TYW1B: variants seen among roughly 807,000 people sequenced by gnomAD.
TYW1B encodes S-adenosyl-L-methionine-dependent tRNA 4-demethylwyosine synthase TYW1B.
Under a neutral mutation model 86.9 loss-of-function variants are expected in TYW1B, and 73 were observed. The ratio of observed to expected loss-of-function variants is 0.84; its 90% CI spans 0.70 to 1.02. TYW1B has a LOEUF of 1.02. TYW1B is among the 50% of genes least tolerant of loss of function. The pLI, the probability that TYW1B is intolerant of heterozygous loss-of-function variation, is 0.00. For missense variants in TYW1B, 637 were observed against 827.4 expected (o/e 0.77, Z 2.82); for synonymous variants, 248 against 292.8 (o/e 0.85, Z 1.56).
chr7:72,752,464 C>T (rs1251163767), intron 7 of TYW1B, among the ~76,000 whole-genome samples: 2 of 152,146 alleles, frequency 1.3e-5, no homozygotes, highest in African/African-American at 4.8e-5. Flanking sequence ...AGCAGGGTGG[C>T]TCAAGCCTGT....
chr7:72,578,264 C>T (rs1379171666), intron 13 of TYW1B, among the ~76,000 whole-genome samples: 2 of 152,102 alleles, frequency 1.3e-5, no homozygotes. Context: ...CAGGCGACCA[C>T]CACCACGCCT....
At chr7:72,764,010 A>G (rs1180546015) in intron 7 of TYW1B, among the ~76,000 whole-genome samples, 3 of 152,150 alleles carry the variant, frequency 2.0e-5, no homozygotes, top group African/African-American at 7.2e-5. Flanking sequence ...TCTTTTTTAA[A>G]GTTATATTTG....
At chr7:72,620,576 C>CA (rs1554437788) in intron 12 of TYW1B, among the ~76,000 whole-genome samples, 1 of 152,142 alleles carries the variant, frequency 6.6e-6, no homozygotes. Context: ...AGCTCTCACT[C>CA]AGAGCCCAAT....
At chr7:72,682,346 G>A (rs1554448596) in intron 11 of TYW1B, among the ~76,000 whole-genome samples, 1 of 152,116 alleles carries the variant, frequency 6.6e-6, no homozygotes, top group African/African-American at 2.4e-5. Context: ...TCAATAAATG[G>A]TACTTGGGAA....
At chr7:72,692,029 A>T (rs149997852) in intron 11 of TYW1B, among the ~76,000 whole-genome samples, 2,628 of 151,746 alleles carry the variant, frequency 0.017, 36 homozygotes, top group Non-Finnish European at 0.027. Context: ...AACATGGTGA[A>T]ACCCCATCTC....
rs1810993073 is a variant in TYW1B, at chr7:72,575,225, T to C, written c.*273A>G. The C allele has an allele frequency of 8.0e-7, 1 of 1,256,770 alleles. No homozygotes were observed. The highest frequency in any genetic ancestry group is 3.8e-5 in the Admixed American group (1 of 26,646). 77.9% of individuals were successfully genotyped at this position (1,256,770 alleles called of 1,614,324 possible). ...TAATACAAAACCATCAGTTAAATTC[T>C]AATCACGACTGTGTAGTTCCTCCCC... On this transcript the variant is annotated 3_prime_UTR_variant, in exon 14 of 14. Coordinates refer to ENST00000620995, the MANE Select transcript of TYW1B (RefSeq NM_001145440.3).
At chr7:72,632,318 A>G (rs1347707899) in intron 11 of TYW1B, among the ~76,000 whole-genome samples, 1 of 73,954 alleles carries the variant, frequency 1.4e-5, no homozygotes. Context: ...TATATTATAT[A>G]TATTATATAT....
intron 11 of TYW1B, among the ~76,000 whole-genome samples, chr7:72,643,541 C>T (rs782272687): frequency 2.0e-5 from 3 of 151,142 alleles, no homozygotes; most frequent in African/African-American, 7.3e-5. Context: ...CAGCCAAGAT[C>T]GCAACACTGC....
intron 13 of TYW1B, among the ~76,000 whole-genome samples, chr7:72,611,147 T>G (rs1271418107): frequency 1.3e-5 from 2 of 152,148 alleles, no homozygotes; most frequent in Non-Finnish European, 2.9e-5. Context: ...AAGATCCAGT[T>G]AAATGGCGCC....
At chr7:72,718,113 T>C (rs190960877) in intron 9 of TYW1B, among the ~76,000 whole-genome samples, 85 of 152,234 alleles carry the variant, frequency 5.6e-4, no homozygotes, top group African/African-American at 2.0e-3. Flanking sequence ...GAAAATATGG[T>C]ACATATACAC....
At chr7:72,692,327 G>A (rs1554450478) in intron 11 of TYW1B, among the ~76,000 whole-genome samples, 3 of 151,930 alleles carry the variant, frequency 2.0e-5, no homozygotes, top group African/African-American at 7.3e-5. Context: ...CCTGAGGCCA[G>A]GAGTTTGAGA....
At chr7:72,715,440 T>C (rs1485362572) in intron 9 of TYW1B, among the ~76,000 whole-genome samples, 3 of 152,190 alleles carry the variant, frequency 2.0e-5, no homozygotes, top group Non-Finnish European at 4.4e-5. Flanking sequence ...TGACTCAATG[T>C]AGAAGGCATT....
chr7:72,818,271 C>T (rs1788761672), intron 2 of TYW1B, among the ~76,000 whole-genome samples: 3 of 151,544 alleles, frequency 2.0e-5, no homozygotes, highest in Non-Finnish European at 2.9e-5. Flanking sequence ...AGTATTAGTC[C>T]ATTCTTGCAT....
At chr7:72,695,596 T>A (rs1436551770) in intron 10 of TYW1B, among the ~76,000 whole-genome samples, 1 of 151,930 alleles carries the variant, frequency 6.6e-6, no homozygotes. Flanking sequence ...CTAGGTCTTT[T>A]CCCCCGGCCC....
chr7:72,744,768 A>G (rs1451542100), intron 7 of TYW1B, among the ~76,000 whole-genome samples, 167 bp from the exon 8 acceptor site: 1 of 152,202 alleles, frequency 6.6e-6, no homozygotes, highest in Non-Finnish European at 1.5e-5. Context: ...GTGTTTTGGC[A>G]GTGCTTTGGG....
chr7:72,684,352 T>C (rs35385735), intron 11 of TYW1B, among the ~76,000 whole-genome samples: 1 of 151,960 alleles, frequency 6.6e-6, no homozygotes, highest in Non-Finnish European at 1.5e-5. Flanking sequence ...AAAAGCCTTA[T>C]CTATAGAAAA....
In TYW1B at chr7:72,703,121, T is replaced by G. The variant is rs547112390; in HGVS notation, c.1371-8299A>C. ...CTCACTGCAAGCTCTGCCTCCCGGG[T>G]TCCCGCCATACTCCTGCCTCAGCCT... On this transcript the variant is annotated intron_variant, in intron 10 of 13. Transcript: ENST00000620995. 8.5e-3 allele frequency among the ~76,000 whole-genome samples: 1,264 copies of G among 148,014 alleles called. 9 individuals carry two copies. The highest frequency in any genetic ancestry group is 0.013 in the South Asian group (59 of 4,492).
chr7:72,671,018 A>G (rs560217378), intron 11 of TYW1B, among the ~76,000 whole-genome samples: 2 of 152,310 alleles, frequency 1.3e-5, no homozygotes, highest in South Asian at 4.1e-4. Context: ...CACTCAGCAA[A>G]TATTTATTGA....
At chr7:72,805,945 A>C (rs531479983) in intron 5 of TYW1B, among the ~76,000 whole-genome samples, 1 of 152,294 alleles carries the variant, frequency 6.6e-6, no homozygotes, top group Admixed American at 6.5e-5. Context: ...TACAGCCTGA[A>C]GACAGGAGCT....
Sources: allele counts gnomAD v4.1 joint callset (sites outside exome capture counted in the v4.1 genomes callset), GRCh38; gene constraint gnomAD v4.1.1; transcripts MANE v1.5; gene names NCBI Gene and HGNC (gene_info 2026-07-23, HGNC 2026-07-21).